GRIK4: variants seen among roughly 807,000 people sequenced by gnomAD.
GRIK4 encodes the protein glutamate receptor ionotropic, kainate 4.
A neutral mutation model predicts 104.9 loss-of-function variants in GRIK4; 40 were observed. The observed-to-expected ratio is 0.38, with a 90% CI of 0.30 to 0.50. The LOEUF is 0.50. Ranked by LOEUF, GRIK4 falls within the 20% of genes least tolerant of loss-of-function variation. The probability of loss-of-function intolerance (pLI) is 0.93; values close to 1 mark genes in which losing one functional copy is unlikely to be tolerated. For missense variants in GRIK4, 1,047 were observed against 1,308.1 expected (o/e 0.80, Z 3.08); for synonymous variants, 485 against 524.9 (o/e 0.92, Z 1.04).
chr11:120,895,599 T>C (rs1453742916), intron 11 of GRIK4, among the ~76,000 whole-genome samples: 3 of 152,080 alleles, frequency 2.0e-5, no homozygotes, highest in Admixed American at 2.0e-4. Flanking sequence ...CACATTCGTA[T>C]CCCCACCCCA....
At chr11:120,762,168 G>T (rs1951762696) in intron 3 of GRIK4, among the ~76,000 whole-genome samples, 1 of 152,160 alleles carries the variant, frequency 6.6e-6, no homozygotes, top group South Asian at 2.1e-4. Context: ...TCCCTTGTAA[G>T]TTGTATTCCT....
chr11:120,825,225 C>T (rs1294634354), intron 6 of GRIK4, among the ~76,000 whole-genome samples: 1 of 152,198 alleles, frequency 6.6e-6, no homozygotes, highest in Non-Finnish European at 1.5e-5. Flanking sequence ...CGCGCCTGGC[C>T]TCTTTCTGAA....
intron 3 of GRIK4, among the ~76,000 whole-genome samples, chr11:120,784,995 T>C (rs1365240584): frequency 6.6e-6 from 1 of 152,076 alleles, no homozygotes; most frequent in Non-Finnish European, 1.5e-5. Flanking sequence ...CCCCTGGAGG[T>C]AACAGGCAGA....
At chr11:120,862,690 GTT>G (rs1304199079) in intron 9 of GRIK4, among the ~76,000 whole-genome samples, 1 of 152,104 alleles carries the variant, frequency 6.6e-6, no homozygotes, top group Non-Finnish European at 1.5e-5. Context: ...CCTCTCTGCA[GTT>G]CTGGCCCCTT....
intron 1 of GRIK4, among the ~76,000 whole-genome samples, chr11:120,606,987 C>T (rs1258542039): frequency 6.6e-6 from 1 of 152,150 alleles, no homozygotes; most frequent in African/African-American, 2.4e-5. Flanking sequence ...GAGCAGGTCA[C>T]AGAGGGCTTA....
chr11:120,928,825 G>T (rs1006859822), intron 13 of GRIK4, among the ~76,000 whole-genome samples: 3 of 152,140 alleles, frequency 2.0e-5, no homozygotes, highest in Admixed American at 1.3e-4. Flanking sequence ...TTGGACCTGC[G>T]GATGACATTG....
chr11:120,640,709 T>C (rs1422805802), intron 1 of GRIK4, among the ~76,000 whole-genome samples: 1 of 149,204 alleles, frequency 6.7e-6, no homozygotes. Flanking sequence ...TGATAAACCT[T>C]TTTTTTTTTT....
intron 8 of GRIK4, among the ~76,000 whole-genome samples, chr11:120,840,724 A>C (rs1953691110): frequency 6.6e-6 from 1 of 152,196 alleles, no homozygotes; most frequent in African/African-American, 2.4e-5. Context: ...ACAGAGAACT[A>C]GTTTCTGCCT....
At chr11:120,828,516 T>C (rs1953330786) in intron 6 of GRIK4, among the ~76,000 whole-genome samples, 1 of 152,126 alleles carries the variant, frequency 6.6e-6, no homozygotes, top group Admixed American at 6.5e-5. Flanking sequence ...AATGACCCTG[T>C]AATGTAGTCA....
chr11:120,917,282 A>AAAGT (rs1326879267), intron 13 of GRIK4, among the ~76,000 whole-genome samples: 77 of 149,430 alleles, frequency 5.2e-4, no homozygotes, highest in African/African-American at 1.7e-3. Flanking sequence ...AGAAAGAAAG[A>AAAGT]AAGAAAGAAA....
chr11:120,625,278 G>C (rs1949243863), intron 1 of GRIK4, among the ~76,000 whole-genome samples: 1 of 152,168 alleles, frequency 6.6e-6, no homozygotes, highest in South Asian at 2.1e-4. Context: ...GTTTCCTATG[G>C]TGGTTGGTCA....
At chr11:120,543,830 T>C (rs1283875359) in intron 1 of GRIK4, among the ~76,000 whole-genome samples, 1 of 152,232 alleles carries the variant, frequency 6.6e-6, no homozygotes, top group Non-Finnish European at 1.5e-5. Context: ...ATCCTACCTT[T>C]GCAAAAACGT....
At chr11:120,957,603 G>A (rs1944189594) in intron 16 of GRIK4, among the ~76,000 whole-genome samples, 1 of 147,476 alleles carries the variant, frequency 6.8e-6, no homozygotes, top group African/African-American at 2.6e-5. Flanking sequence ...GTGTGTGTGT[G>A]TGTGTGTGTG....
intron 3 of GRIK4, among the ~76,000 whole-genome samples, chr11:120,683,394 T>A (rs1950227756): frequency 6.6e-6 from 1 of 152,148 alleles, no homozygotes; most frequent in East Asian, 1.9e-4. Flanking sequence ...AGGAGAGACC[T>A]TGGGGTAGGG....
chr11:120,905,277 A>G lies in GRIK4; in HGVS notation c.1273-13A>G, dbSNP rs368752218. The G allele has an allele frequency of 1.9e-6, 3 of 1,590,402 alleles. No individual in the cohort carries two copies. Among genetic ancestry groups the G allele is most frequent in the African/African-American group, 2.7e-5 (2 of 74,388 alleles). ...GCTAAGATGAGAATGACAGCTGCCC[A>G]GTTTTGCTGCAGGAGAACCCATATT... is the stretch of plus-strand genomic sequence containing the variant. On this transcript the variant is annotated splice_polypyrimidine_tract_variant and intron_variant, in intron 12 of 20. Transcript: ENST00000527524. The surrounding 1 kb of genome is among the most constrained non-coding windows in gnomAD (Gnocchi z 5.1).
intron 1 of GRIK4, among the ~76,000 whole-genome samples, chr11:120,610,838 G>A (rs997821087): frequency 2.6e-5 from 4 of 152,170 alleles, no homozygotes; most frequent in Non-Finnish European, 4.4e-5. Context: ...TCTTGCTACA[G>A]GTTATGCCTA....
intron 3 of GRIK4, among the ~76,000 whole-genome samples, chr11:120,701,164 C>T (rs1181026494): frequency 6.6e-6 from 1 of 152,208 alleles, no homozygotes; most frequent in African/African-American, 2.4e-5. Context: ...CAATACAGAA[C>T]TGTACAATAC....
At chr11:120,703,417 TA>T (rs941851630) in intron 3 of GRIK4, among the ~76,000 whole-genome samples, 100 of 152,132 alleles carry the variant, frequency 6.6e-4, no homozygotes, top group African/African-American at 2.4e-3. Context: ...GAGAAGGAGA[TA>T]ATGTATGTGA....
chr11:120,926,691 T>C (rs1441405785), intron 13 of GRIK4, among the ~76,000 whole-genome samples: 3 of 152,226 alleles, frequency 2.0e-5, no homozygotes, highest in African/African-American at 7.2e-5. Flanking sequence ...ATTTGTCTAT[T>C]CATTCATTCA....
Sources: gnomAD v4.1 joint callset for allele counts (sites outside exome capture counted in the v4.1 genomes callset) on GRCh38, gnomAD v4.1.1 for gene constraint, Gnocchi (gnomAD v3.1) non-coding constraint, MANE v1.5 for transcripts, NCBI Gene and HGNC (gene_info 2026-07-23, HGNC 2026-07-21) for gene names.